The following COLEC10 variants were observed in gnomAD, a reference collection of about 807,000 sequenced individuals.
COLEC10 encodes collectin subfamily member 10, also known as collectin-10.
Under a neutral mutation model 28.4 loss-of-function variants are expected in COLEC10, and 22 were observed. The observed-to-expected ratio is 0.78, with a 90% confidence interval of 0.55 to 1.11. COLEC10 has a LOEUF of 1.11. Ranked by LOEUF, COLEC10 falls within the 50% of genes least tolerant of loss-of-function variation. COLEC10 has a pLI of 0.00. For synonymous variants in COLEC10, 125 were observed against 116.1 expected, an observed-to-expected ratio of 1.08 and a Z score of -0.49; for missense variants, 361 against 344.1, an observed-to-expected ratio of 1.05 and a Z score of -0.39.
chr8:119,071,552 T>C (rs1426758383), intron 1 of COLEC10, among the ~76,000 whole-genome samples: 2 of 152,158 alleles, frequency 1.3e-5, no homozygotes, highest in African/African-American at 2.4e-5. Context: ...TTAGCTCAAA[T>C]GCCATCTGTG....
At chr8:118,959,593 G>C in the COLEC10 span, among the ~76,000 whole-genome samples, 1 of 152,204 alleles carries the variant, frequency 6.6e-6, no homozygotes, top group Admixed American at 6.5e-5. Context: ...TGAGTTACTT[G>C]AGAGTGATTG....
intron 2 of COLEC10, among the ~76,000 whole-genome samples, chr8:119,047,777 A>C (rs1254014744): frequency 1.1e-5 from 1 of 92,802 alleles, no homozygotes; most frequent in Non-Finnish European, 1.9e-5. Context: ...TAAGAAAAAC[A>C]GGCTTATCTC....
At chr8:119,069,084 A>G (rs1278219225) in intron 1 of COLEC10, among the ~76,000 whole-genome samples, 4 of 152,136 alleles carry the variant, frequency 2.6e-5, no homozygotes, top group Non-Finnish European at 4.4e-5. Context: ...GGAAGCTAAG[A>G]TAAGTAACCT....
At chr8:119,097,215 C>T (rs1815738222) in intron 3 of COLEC10, among the ~76,000 whole-genome samples, 1 of 151,802 alleles carries the variant, frequency 6.6e-6, no homozygotes, top group African/African-American at 2.4e-5. Flanking sequence ...TGTAAAAAGT[C>T]ATCAAGCTGA....
intron 5 of COLEC10, 109 bp from the exon 6 acceptor site, chr8:119,105,690 AT>A (rs1815922800): frequency 2.8e-6 from 3 of 1,071,950 alleles, no homozygotes; most frequent in Non-Finnish European, 3.9e-6. Flanking sequence ...GCTTTGAAAA[AT>A]AATTCTTGAA....
intron 3 of COLEC10, among the ~76,000 whole-genome samples, chr8:119,098,059 A>G (rs546277491): frequency 6.6e-6 from 1 of 152,096 alleles, no homozygotes; most frequent in South Asian, 2.1e-4. Flanking sequence ...CCAGTAAACA[A>G]TAACTCCCCA....
At chr8:119,058,390 A>C (rs1814798902) in intron 2 of COLEC10, among the ~76,000 whole-genome samples, 1 of 152,032 alleles carries the variant, frequency 6.6e-6, no homozygotes. Context: ...TCACTTCAAC[A>C]GTCCCATTGT....
upstream of COLEC10, among the ~76,000 whole-genome samples, chr8:118,993,176 T>C (rs13274022): frequency 0.082 from 12,425 of 152,214 alleles, 567 homozygotes; most frequent in Non-Finnish European, 0.1. Flanking sequence ...TACCACAGAT[T>C]GGGTGGCTTA....
chr8:118,980,858 C>G, the COLEC10 span, among the ~76,000 whole-genome samples: 1 of 151,890 alleles, frequency 6.6e-6, no homozygotes, highest in South Asian at 2.1e-4. Context: ...TCCTATGGCT[C>G]AAATGTGTGT....
chr8:119,093,852 T>G (rs1214320685), intron 3 of COLEC10, among the ~76,000 whole-genome samples: 3 of 152,170 alleles, frequency 2.0e-5, no homozygotes, highest in Admixed American at 2.0e-4. Flanking sequence ...TAAGTGATAT[T>G]TCCCCATTGA....
chr8:119,101,274 G>C (rs949227771), intron 3 of COLEC10, among the ~76,000 whole-genome samples: 1 of 152,000 alleles, frequency 6.6e-6, no homozygotes, highest in African/African-American at 2.4e-5. Flanking sequence ...TTCATCCCTC[G>C]TGAGTTCTTT....
At chr8:118,953,267 A>G in the COLEC10 span, among the ~76,000 whole-genome samples, 1 of 152,342 alleles carries the variant, frequency 6.6e-6, no homozygotes, top group South Asian at 2.1e-4. Context: ...TAGCTCAGTG[A>G]GTGTGGACAA....
chr8:119,065,994 G>T (rs1313783054), upstream of COLEC10, among the ~76,000 whole-genome samples: 1 of 152,186 alleles, frequency 6.6e-6, no homozygotes, highest in African/African-American at 2.4e-5. Flanking sequence ...GGTTGGCACT[G>T]GTTTTAGCCA....
At chr8:119,083,330 C>T (rs1587050986) in intron 1 of COLEC10, among the ~76,000 whole-genome samples, 1 of 152,170 alleles carries the variant, frequency 6.6e-6, no homozygotes, top group South Asian at 2.1e-4. Context: ...AAGAGCAAGT[C>T]TCCATTTTTG....
At chr8:119,011,330 C>T (rs77038034) in intron 2 of COLEC10, among the ~76,000 whole-genome samples, 7,760 of 150,638 alleles carry the variant, frequency 0.052, 344 homozygotes, top group South Asian at 0.15. Context: ...TCTGATCCAC[C>T]GATCTATTTG....
intron 2 of COLEC10, among the ~76,000 whole-genome samples, chr8:119,057,744 A>G (rs1814789000): frequency 6.6e-6 from 1 of 152,092 alleles, no homozygotes; most frequent in South Asian, 2.1e-4. Flanking sequence ...CCATCATTAT[A>G]TGCCTATACA....
intron 2 of COLEC10, among the ~76,000 whole-genome samples, chr8:119,028,974 A>T (rs57029387): frequency 0.044 from 6,695 of 152,264 alleles, 217 homozygotes; most frequent in East Asian, 0.16. Context: ...ATAAAGGGAA[A>T]TGTGGCTCCA....
chr8:118,967,300 GAAATGGAAAGAAAA>G, the COLEC10 span, among the ~76,000 whole-genome samples: 268 of 152,128 alleles, frequency 1.8e-3, no homozygotes, highest in African/African-American at 5.0e-3. Flanking sequence ...GAAAAGAAAA[GAAATGGAAAGAAAA>G]AAATGGAAAG....
At chr8:119,065,773 G>A (rs1238283308), upstream of COLEC10, among the ~76,000 whole-genome samples, 9 of 150,748 alleles carry the variant, frequency 6.0e-5, no homozygotes, top group South Asian at 2.1e-4. Flanking sequence ...CACGAGAATC[G>A]CTTGAACCTG....
Sources: allele counts gnomAD v4.1 joint callset (sites outside exome capture counted in the v4.1 genomes callset), GRCh38; gene constraint gnomAD v4.1.1; transcripts MANE v1.5; gene names NCBI Gene and HGNC (gene_info 2026-07-23, HGNC 2026-07-21).